The following MLLT1 variants were observed in gnomAD, a reference collection of about 807,000 sequenced individuals.
MLLT1 encodes MLLT1 super elongation complex subunit.
Under a neutral mutation model 55.1 loss-of-function variants are expected in MLLT1, and 11 were observed. That is an observed-to-expected ratio of 0.20 (90% confidence interval 0.13 to 0.33). The LOEUF is 0.33. Among genes scored for constraint, MLLT1 ranks in the 10% least tolerant of loss-of-function variants. MLLT1 has a pLI of 1.00. For synonymous variants in MLLT1, 323 were observed against 320.1 expected, an observed-to-expected ratio of 1.01 and a Z score of -0.10; for missense variants, 536 against 760.6, an observed-to-expected ratio of 0.70 and a Z score of 3.47.
intron 3 of MLLT1, among the ~76,000 whole-genome samples, chr19:6,232,038 C>G (rs1159600563): frequency 6.6e-6 from 1 of 152,086 alleles, no homozygotes; most frequent in African/African-American, 2.4e-5. Flanking sequence ...GAGTTTGAGA[C>G]CAGCCTGGGC....
chr19:6,228,962 C>T (rs11667671), intron 4 of MLLT1, among the ~76,000 whole-genome samples: 43,544 of 152,094 alleles, frequency 0.29, 7,344 homozygotes, highest in African/African-American at 0.46. Context: ...AGCCTTGCCC[C>T]GCGCCTCCTC....
At chr19:6,214,122 A>G (rs1220297517) in intron 8 of MLLT1, 84 bp from the exon 9 acceptor site, 3 of 720,626 alleles carry the variant, frequency 4.2e-6, no homozygotes, top group Non-Finnish European at 1.9e-6. Context: ...TCTGCCCCGC[A>G]CGGAGTCGGT....
chr19:6,278,171 G>A (rs532397408), intron 1 of MLLT1, among the ~76,000 whole-genome samples: 154 of 152,296 alleles, frequency 1.0e-3, no homozygotes, highest in African/African-American at 3.5e-3. Flanking sequence ...CGGAGATTTT[G>A]GCTGCCACCC....
intron 3 of MLLT1, among the ~76,000 whole-genome samples, chr19:6,257,662 G>A (rs10404282): frequency 0.022 from 3,408 of 152,130 alleles, 139 homozygotes; most frequent in African/African-American, 0.078. Flanking sequence ...TTAGCTGGGC[G>A]TGGCAGCGGG....
At chr19:6,244,996 G>A (rs1051243985) in intron 3 of MLLT1, among the ~76,000 whole-genome samples, 8 of 152,080 alleles carry the variant, frequency 5.3e-5, no homozygotes, top group African/African-American at 1.7e-4. Context: ...GGGGGGGAAT[G>A]TAAAATGGCA....
chr19:6,213,468 T>C (rs2090802410), intron 10 of MLLT1, 60 bp from the exon 11 acceptor site: 2 of 1,383,394 alleles, frequency 1.4e-6, no homozygotes, highest in Middle Eastern at 1.8e-4. Flanking sequence ...CCTGCTCCCA[T>C]GCCCAGCCCC....
In MLLT1 at chr19:6,211,990, C is replaced by T. The variant is rs971103828; in HGVS notation, c.*1052G>A. ...GCCTGCTGATGGCCGAGCCCACGCT[C>T]GAGGGGCTGACCAGAGTTCAATGCG... On this transcript the variant is annotated 3_prime_UTR_variant, in exon 12 of 12. Coordinates refer to ENST00000252674, the MANE Select transcript of MLLT1 (RefSeq NM_005934.4). The surrounding 1 kb of genome is among the most constrained non-coding windows in gnomAD (Gnocchi z 4.6). 8.4e-6 allele frequency: 9 copies of T among 1,065,524 alleles called. No homozygotes were observed. Among genetic ancestry groups the T allele is most frequent in the Admixed American group, 1.1e-4 (2 of 18,736 alleles). The allele number at this position is 1,065,524 out of a possible 1,614,324, so 66.0% of individuals were successfully genotyped here.
Position 6,212,991 on chromosome 19 carries a change from G to A in MLLT1, c.*51C>T. 2 of 1,602,546 alleles carry A rather than the reference G, an allele frequency of 1.2e-6. No homozygotes were observed. Among genetic ancestry groups the A allele is most frequent in the Non-Finnish European group, 1.7e-6 (2 of 1,173,952 alleles). On this transcript the variant is annotated 3_prime_UTR_variant, in exon 12 of 12. Coordinates refer to ENST00000252674, the MANE Select transcript of MLLT1 (RefSeq NM_005934.4). Reference sequence around the variant, plus strand: ...GGGAGAGGAGGGCAGGCGAGGCCTGGCTGCAGCCTCCCAGGACCCCGGCGG... The same window carrying A: ...GGGAGAGGAGGGCAGGCGAGGCCTGACTGCAGCCTCCCAGGACCCCGGCGG...
intron 8 of MLLT1, among the ~76,000 whole-genome samples, chr19:6,216,146 G>A (rs1027008144): frequency 1.3e-5 from 2 of 152,144 alleles, no homozygotes; most frequent in South Asian, 2.1e-4. Context: ...CAGTGACCAC[G>A]AGGAGGGATG....
In MLLT1 at chr19:6,211,757, C is replaced by T. The variant is rs995732831; in HGVS notation, c.*1285G>A. The T allele has an allele frequency of 7.4e-5, 79 of 1,063,726 alleles. No individual in the cohort carries two copies. The highest frequency in any genetic ancestry group is 8.5e-5 in the Non-Finnish European group (75 of 878,320). 65.9% of individuals were successfully genotyped at this position (1,063,726 alleles called of 1,614,324 possible). A position where few individuals can be genotyped will look rare whatever the true frequency, so the allele number is the denominator to read the frequency against. On this transcript the variant is annotated 3_prime_UTR_variant, in exon 12 of 12. Coordinates refer to ENST00000252674, the MANE Select transcript of MLLT1 (RefSeq NM_005934.4). The surrounding 1 kb of genome is among the most constrained non-coding windows in gnomAD (Gnocchi z 4.6). Reference sequence around the variant, plus strand: ...CTCCAGCCCCTGGGACCCCCAGCCACGATGGGCTGGCTCCGCGGGAGCGTC... The same window carrying T: ...CTCCAGCCCCTGGGACCCCCAGCCATGATGGGCTGGCTCCGCGGGAGCGTC...
In MLLT1 at chr19:6,211,506, C is replaced by T; in HGVS notation, c.*1536G>A. The T allele has an allele frequency of 4.5e-6, 3 of 669,364 alleles. No homozygotes were observed. The highest frequency in any genetic ancestry group is 5.8e-6 in the Non-Finnish European group (3 of 517,332). The allele number at this position is 669,364 out of a possible 1,614,324, so 41.5% of individuals were successfully genotyped here. On this transcript the variant is annotated 3_prime_UTR_variant, in exon 12 of 12. Coordinates refer to ENST00000252674, the MANE Select transcript of MLLT1 (RefSeq NM_005934.4). The surrounding 1 kb of genome is among the most constrained non-coding windows in gnomAD (Gnocchi z 4.6). ...AGAGCAGGGACAAGATGAGGGACCT[C>T]AGGGAGGGACAGATGGAGCCCCCCA... is the stretch of plus-strand genomic sequence containing the variant.
At chr19:6,215,555 G>A (rs542333696) in intron 8 of MLLT1, among the ~76,000 whole-genome samples, 78 of 152,302 alleles carry the variant, frequency 5.1e-4, no homozygotes, top group Admixed American at 4.4e-3. Flanking sequence ...CGCTGCACAC[G>A]GGGAACCAAG....
intron 3 of MLLT1, among the ~76,000 whole-genome samples, chr19:6,236,964 C>A (rs2091068019): frequency 6.6e-6 from 1 of 152,388 alleles, no homozygotes; most frequent in South Asian, 2.1e-4. Flanking sequence ...GCTCCCCACT[C>A]CCAGGCTGCT....
At position 6,219,004 on chromosome 19, in the gene MLLT1, G is replaced by A. The variant is rs191839306; in HGVS notation, c.1111-963C>T. Among the ~76,000 whole-genome samples, 181 of 152,246 alleles carry A rather than the reference G, an allele frequency of 1.2e-3. No homozygotes were observed. The highest frequency in any genetic ancestry group is 4.1e-3 in the African/African-American group (171 of 41,558). ...CAGCTGGTCTGCTGGATTCTGGCAG[G>A]GGCCGCTGCAGCCGCCAGCCATGCA... On this transcript the variant is annotated intron_variant, in intron 6 of 11. Coordinates refer to ENST00000252674, the MANE Select transcript of MLLT1 (RefSeq NM_005934.4). This position sits in a 1 kb window ranked among gnomAD's most constrained non-coding sequence, Gnocchi z 4.5.
chr19:6,227,824 G>C lies in MLLT1; in HGVS notation c.421-722C>G, dbSNP rs967734849. On this transcript the variant is annotated intron_variant, in intron 4 of 11. Transcript: ENST00000252674. This position sits in a 1 kb window ranked among gnomAD's most constrained non-coding sequence, Gnocchi z 5.1. ...ACACCTGCTGTGCAGGGGGAAGCTC[G>C]GAGCAAGGTCTTGAGATATCAACAC... 6.6e-6 allele frequency among the ~76,000 whole-genome samples: 1 copy of C among 152,270 alleles called. No homozygotes were observed. Among genetic ancestry groups the C allele is most frequent in the African/African-American group, 2.4e-5 (1 of 41,546 alleles).
intron 3 of MLLT1, among the ~76,000 whole-genome samples, chr19:6,250,533 T>C (rs942716030): frequency 1.3e-5 from 2 of 152,192 alleles, no homozygotes; most frequent in African/African-American, 4.8e-5. Flanking sequence ...AGATAACCTA[T>C]GCACACCCTC....
chr19:6,242,062 C>A (rs2091118905), intron 3 of MLLT1, among the ~76,000 whole-genome samples: 1 of 152,220 alleles, frequency 6.6e-6, no homozygotes, highest in African/African-American at 2.4e-5. Context: ...GCCAGCAGGT[C>A]AGGGGCAAGG....
At chr19:6,254,735 T>C (rs1016290686) in intron 3 of MLLT1, among the ~76,000 whole-genome samples, 2 of 152,146 alleles carry the variant, frequency 1.3e-5, no homozygotes, top group Non-Finnish European at 2.9e-5. Flanking sequence ...TTACAGAAAG[T>C]TCACAGCTGA....
chr19:6,237,763 CAAAA>C (rs1269996726), intron 3 of MLLT1, among the ~76,000 whole-genome samples: 4 of 71,756 alleles, frequency 5.6e-5, no homozygotes, highest in Admixed American at 1.4e-4. Context: ...ACTCTTGTCT[CAAAA>C]AAAAAAAAAA....
Sources: allele counts gnomAD v4.1 joint callset (sites outside exome capture counted in the v4.1 genomes callset), GRCh38; gene constraint gnomAD v4.1.1; non-coding constraint Gnocchi (gnomAD v3.1); transcripts MANE v1.5; gene names NCBI Gene and HGNC (gene_info 2026-07-23, HGNC 2026-07-21).